The following SPOCK3 variants were observed in gnomAD, a reference collection of about 807,000 sequenced individuals.
The protein encoded by SPOCK3 is testican-3.
In SPOCK3, 30 loss-of-function variants were observed where a neutral mutation model predicts 56.6. The ratio of observed to expected loss-of-function variants is 0.53; its 90% CI spans 0.40 to 0.72. The LOEUF (loss-of-function observed/expected upper bound fraction) is 0.72. Ranked by LOEUF, SPOCK3 falls within the 30% of genes least tolerant of loss-of-function variation. The probability of loss-of-function intolerance (pLI) is 0.00; values close to 1 mark genes in which losing one functional copy is unlikely to be tolerated. For missense variants in SPOCK3, 527 were observed against 530.0 expected (o/e 0.99, Z 0.06); for synonymous variants, 196 against 183.3 (o/e 1.07, Z -0.56).
intron 2 of SPOCK3, among the ~76,000 whole-genome samples, chr4:167,074,937 C>T (rs191320671): frequency 6.6e-6 from 1 of 151,900 alleles, no homozygotes; most frequent in Admixed American, 6.6e-5. Context: ...CAATGTGTAA[C>T]GATCAAATCA....
At chr4:166,752,546 A>G (rs1736516640) in intron 8 of SPOCK3, among the ~76,000 whole-genome samples, 1 of 63,498 alleles carries the variant, frequency 1.6e-5, no homozygotes, top group African/African-American at 5.3e-5. Context: ...GAGTAGCTAT[A>G]TGTGTGTATA....
At position 166,742,053 on chromosome 4, in the gene SPOCK3, G is replaced by T; in HGVS notation, c.938C>A (p.Pro313His). ...AATATTGCTGAGCTCAGTCTGGCAA[G>T]GTGGGTCTGCAATGACATTAAAAAT... is the stretch of plus-strand genomic sequence containing the variant. The part of the protein sequence containing the change: ...CYCFQRQQDP[P>H]CQTELSNIQK... Residue 313 changes from proline to histidine, a missense_variant, in exon 9 of 11, where the codon CCT (proline) becomes CAT (histidine). Pro to His is a moderately conservative substitution (Grantham distance 77, BLOSUM62 -2). Transcript: ENST00000357545. The T allele has an allele frequency of 6.2e-7, 1 of 1,611,764 alleles. No homozygotes were observed. Among genetic ancestry groups the T allele is most frequent in the Non-Finnish European group, 8.5e-7 (1 of 1,178,212 alleles).
intron 3 of SPOCK3, among the ~76,000 whole-genome samples, chr4:167,029,423 A>C (rs555975911): frequency 6.6e-6 from 1 of 152,036 alleles, no homozygotes; most frequent in East Asian, 1.9e-4. Flanking sequence ...CCCAGGTTTT[A>C]TTTTATTCTT....
intron 2 of SPOCK3, among the ~76,000 whole-genome samples, chr4:167,173,974 G>C (rs1283410571): frequency 6.6e-6 from 1 of 152,122 alleles, no homozygotes. Context: ...GGAATAGCTA[G>C]AGCAAAGGTA....
intron 3 of SPOCK3, among the ~76,000 whole-genome samples, chr4:167,042,443 G>A (rs905698770): frequency 1.1e-4 from 16 of 152,150 alleles, no homozygotes; most frequent in Non-Finnish European, 1.5e-5. Flanking sequence ...ATGATGTGGA[G>A]TTTGTGAAAC....
chr4:167,064,014 G>T (rs1304162685), intron 2 of SPOCK3, among the ~76,000 whole-genome samples: 2 of 151,588 alleles, frequency 1.3e-5, no homozygotes, highest in African/African-American at 4.8e-5. Context: ...TTCCTTTTTT[G>T]AATCTTCTTT....
chr4:167,061,893 G>T (rs1372727169), intron 3 of SPOCK3, among the ~76,000 whole-genome samples: 1 of 151,772 alleles, frequency 6.6e-6, no homozygotes, highest in East Asian at 1.9e-4. Context: ...GATTGCTTGG[G>T]GCTTGATGTG....
chr4:167,166,509 G>T (rs181635603), intron 2 of SPOCK3, among the ~76,000 whole-genome samples: 1 of 152,010 alleles, frequency 6.6e-6, no homozygotes, highest in Non-Finnish European at 1.5e-5. Context: ...TTTCTTACTA[G>T]ACTGTCAAGA....
intron 2 of SPOCK3, among the ~76,000 whole-genome samples, chr4:167,090,677 A>G (rs1758626085): frequency 6.6e-6 from 1 of 151,742 alleles, no homozygotes; most frequent in South Asian, 2.1e-4. Context: ...CTAATTTTGT[A>G]TTTTTAGTAG....
At chr4:166,844,153 G>A (rs932458494) in intron 6 of SPOCK3, among the ~76,000 whole-genome samples, 1 of 152,188 alleles carries the variant, frequency 6.6e-6, no homozygotes, top group East Asian at 1.9e-4. Context: ...GATGTCTTGT[G>A]TTTCTTTGGG....
At chr4:166,826,995 T>G (rs1269585652) in intron 6 of SPOCK3, among the ~76,000 whole-genome samples, 1 of 152,074 alleles carries the variant, frequency 6.6e-6, no homozygotes, top group East Asian at 1.9e-4. Context: ...ATTAAAAAAA[T>G]AAAAACATGA....
intron 2 of SPOCK3, among the ~76,000 whole-genome samples, chr4:167,122,452 C>T (rs1418410645): frequency 5.9e-5 from 9 of 152,114 alleles, no homozygotes; most frequent in Non-Finnish European, 1.2e-4. Context: ...TATTATATTG[C>T]ACTATGCAAT....
chr4:167,212,550 T>A (rs1367562112), intron 2 of SPOCK3, among the ~76,000 whole-genome samples: 1 of 152,138 alleles, frequency 6.6e-6, no homozygotes, highest in Non-Finnish European at 1.5e-5. Flanking sequence ...CAAAGATTTA[T>A]TCTTATACCT....
intron 6 of SPOCK3, among the ~76,000 whole-genome samples, chr4:166,846,955 C>G (rs1748118336): frequency 6.6e-6 from 1 of 152,058 alleles, no homozygotes; most frequent in African/African-American, 2.4e-5. Flanking sequence ...TAAACCAAAT[C>G]TATCTCACAG....
chr4:167,216,693 C>T (rs140233186), intron 2 of SPOCK3, among the ~76,000 whole-genome samples: 2 of 152,146 alleles, frequency 1.3e-5, no homozygotes, highest in African/African-American at 4.8e-5. Context: ...GATGGCATTG[C>T]ACAGCTCACT....
At chr4:166,936,692 T>C (rs1740443754) in intron 4 of SPOCK3, among the ~76,000 whole-genome samples, 1 of 152,126 alleles carries the variant, frequency 6.6e-6, no homozygotes, top group Admixed American at 6.5e-5. Flanking sequence ...ACGTATTTGA[T>C]TTCTATTTGA....
chr4:167,231,242 GAA>G (rs1433787049), intron 2 of SPOCK3, among the ~76,000 whole-genome samples: 2 of 151,828 alleles, frequency 1.3e-5, no homozygotes, highest in Non-Finnish European at 2.9e-5. Context: ...TATTTCAAAA[GAA>G]AGAACAGTTC....
intron 2 of SPOCK3, among the ~76,000 whole-genome samples, chr4:167,117,430 G>T (rs1307758678): frequency 6.6e-6 from 1 of 152,126 alleles, no homozygotes; most frequent in Admixed American, 6.6e-5. Context: ...AGTGAGGAGA[G>T]ATCTGCCCTA....
At chr4:166,950,137 T>G (rs1309744038) in intron 4 of SPOCK3, among the ~76,000 whole-genome samples, 2 of 151,512 alleles carry the variant, frequency 1.3e-5, no homozygotes, top group South Asian at 2.1e-4. Flanking sequence ...AGACACAGAC[T>G]GGCAAATTGG....
Sources: allele counts gnomAD v4.1 joint callset (sites outside exome capture counted in the v4.1 genomes callset), GRCh38; gene constraint gnomAD v4.1.1; transcripts MANE v1.5; gene names NCBI Gene and HGNC (gene_info 2026-07-23, HGNC 2026-07-21).